The following NDUFS1 variants were observed in gnomAD, a reference collection of about 807,000 sequenced individuals.
NDUFS1 encodes the protein NADH-ubiquinone oxidoreductase 75 kDa subunit, mitochondrial.
A neutral mutation model predicts 84.4 loss-of-function variants in NDUFS1; 61 were observed. The ratio of observed to expected loss-of-function variants is 0.72; its 90% CI spans 0.59 to 0.89. The LOEUF (loss-of-function observed/expected upper bound fraction) is 0.89, where lower values mean the gene tolerates loss of function less well. NDUFS1 is among the 40% of genes least tolerant of loss of function. NDUFS1 has a pLI of 0.00. For synonymous variants in NDUFS1, 275 were observed against 290.0 expected, an observed-to-expected ratio of 0.95 and a Z score of 0.53; for missense variants, 891 against 890.0, an observed-to-expected ratio of 1.00 and a Z score of -0.01.
At chr2:206,129,370 C>T (rs1254269393) in intron 15 of NDUFS1, among the ~76,000 whole-genome samples, 3 of 152,186 alleles carry the variant, frequency 2.0e-5, no homozygotes, top group Non-Finnish European at 2.9e-5. Flanking sequence ...TCAAGTGATC[C>T]TCCCACCTCA....
In NDUFS1 at chr2:206,130,207, T is replaced by C. The variant is rs777280414; in HGVS notation, c.1589A>G (p.Tyr530Cys). The change falls in exon 15 of 19, where the codon TAT (tyrosine) becomes TGT (cysteine). Residue 530 changes from tyrosine (Y) to cysteine (C), a missense_variant. Coordinates refer to ENST00000233190, the MANE Select transcript of NDUFS1 (RefSeq NM_005006.7). Reference sequence around the variant, plus strand: ...CCGAATTGCTTCCACCCCAGGCTTATAGCCAAGGTCCAAAGCAGCTACTTG... The same window carrying C: ...CCGAATTGCTTCCACCCCAGGCTTACAGCCAAGGTCCAAAGCAGCTACTTG... ...ASQVAALDLG[Y>C]KPGVEAIRKN... The C allele has an allele frequency of 5.0e-6, 8 of 1,614,202 alleles. No individual in the cohort carries two copies. The highest frequency in any genetic ancestry group is 2.2e-5 in the East Asian group (1 of 44,880).
In NDUFS1 at chr2:206,119,566, A is replaced by G. The variant is rs1348782905; in HGVS notation, c.*4619T>C. 1 of 152,014 alleles carries G rather than the reference A, an allele frequency of 6.6e-6. No individual in the cohort carries two copies. The highest frequency in any genetic ancestry group is 2.4e-5 in the African/African-American group (1 of 41,374). 9.4% of individuals were successfully genotyped at this position (152,014 alleles called of 1,614,324 possible). On this transcript the variant is annotated 3_prime_UTR_variant, in exon 19 of 19. Transcript: ENST00000233190. ...GTAGCTGGGATTACAGGCATATGCC[A>G]CCATGGCTGGCTAATTTTGTATTTT...
At chr2:206,138,406 G>C in intron 13 of NDUFS1, 79 bp downstream of exon 13, 1 of 1,511,414 alleles carries the variant, frequency 6.6e-7, no homozygotes, top group Non-Finnish European at 9.1e-7. Flanking sequence ...CACTTACATA[G>C]GATTATTACA....
At chr2:206,135,251 C>A (rs1691663555) in intron 13 of NDUFS1, among the ~76,000 whole-genome samples, 1 of 152,104 alleles carries the variant, frequency 6.6e-6, no homozygotes, top group Non-Finnish European at 1.5e-5. Context: ...TGGTCTTGCT[C>A]CTGACCTCAG....
intron 15 of NDUFS1, among the ~76,000 whole-genome samples, chr2:206,128,452 C>G (rs1401142536): frequency 6.6e-6 from 1 of 151,102 alleles, no homozygotes; most frequent in African/African-American, 2.4e-5. Context: ...AGGCATGAGC[C>G]ACCGCGCCCG....
intron 14 of NDUFS1, among the ~76,000 whole-genome samples, chr2:206,132,359 G>A (rs1036165665): frequency 6.6e-6 from 1 of 152,152 alleles, no homozygotes; most frequent in Non-Finnish European, 1.5e-5. Flanking sequence ...TGAGGCAGAA[G>A]TATCGCCTGA....
At position 206,146,931 on chromosome 2, in the gene NDUFS1, C is replaced by A; in HGVS notation, c.709G>T (p.Ala237Ser). 1 of 1,614,104 alleles carries A rather than the reference C, an allele frequency of 6.2e-7. No individual in the cohort carries two copies. Among genetic ancestry groups the A allele is most frequent in the Non-Finnish European group, 8.5e-7 (1 of 1,179,992 alleles). ...PVGALTSKPY[A>S]FTARPWETRK... ...GTTTCCCAAGGCCGGGCAGTAAAGGCATAGGGCTTAGAGGTTAGGGCACCT... is the reference window on the plus strand; with the variant it reads ...GTTTCCCAAGGCCGGGCAGTAAAGGAATAGGGCTTAGAGGTTAGGGCACCT... Residue 237 changes from alanine (A) to serine (S), a missense_variant, in exon 8 of 19, where the codon GCC becomes TCC. By Grantham distance (99) the Ala-to-Ser change is moderately conservative (BLOSUM62 1). Transcript: ENST00000233190.
At chr2:206,146,770 A>C in intron 8 of NDUFS1, 133 bp downstream of exon 8, 1 of 789,002 alleles carries the variant, frequency 1.3e-6, no homozygotes, top group Non-Finnish European at 2.0e-6. Flanking sequence ...CTTCTATTTA[A>C]AGGGTTTTAC....
intron 2 of NDUFS1, among the ~76,000 whole-genome samples, chr2:206,153,020 A>C (rs1000240465): frequency 2.0e-5 from 3 of 151,984 alleles, no homozygotes; most frequent in Non-Finnish European, 4.4e-5. Context: ...TGAAACTCTT[A>C]ATGTCACTGA....
chr2:206,129,184 T>C (rs927394975), intron 15 of NDUFS1, among the ~76,000 whole-genome samples: 8 of 152,228 alleles, frequency 5.3e-5, no homozygotes, highest in African/African-American at 1.9e-4. Flanking sequence ...CGTATGAAGA[T>C]GTTATGAAGT....
Position 206,117,255 on chromosome 2 carries a change from C to T in NDUFS1, c.*6930G>A, listed in dbSNP as rs1008640886. 2.0e-5 allele frequency: 3 copies of T among 152,214 alleles called. No individual in the cohort carries two copies. Among genetic ancestry groups the T allele is most frequent in the Admixed American group, 6.5e-5 (1 of 15,278 alleles). The allele number at this position is 152,214 out of a possible 1,614,324, so 9.4% of individuals were successfully genotyped here. A position where few individuals can be genotyped will look rare whatever the true frequency, so the allele number is the denominator to read the frequency against. ...GTTTTAACAGCAGAAACAAAGACAA[C>T]TAGACATGCCCACTGTGTTATGTAC... On this transcript the variant is annotated 3_prime_UTR_variant, in exon 19 of 19. Transcript: ENST00000233190.
At chr2:206,158,628 A>C (rs995377521) in intron 1 of NDUFS1, among the ~76,000 whole-genome samples, 6 of 152,174 alleles carry the variant, frequency 3.9e-5, no homozygotes, top group Non-Finnish European at 8.8e-5. Context: ...TATTCCGCAA[A>C]ACAAAAATAA....
chr2:206,158,039 C>T (rs561745039), intron 1 of NDUFS1, among the ~76,000 whole-genome samples: 1 of 150,300 alleles, frequency 6.7e-6, no homozygotes, highest in East Asian at 2.0e-4. Flanking sequence ...TCTCGGCTCA[C>T]TGCAAGCCCC....
chr2:206,131,399 G>GA (rs1575954010), intron 14 of NDUFS1, among the ~76,000 whole-genome samples: 2 of 152,146 alleles, frequency 1.3e-5, no homozygotes, highest in South Asian at 2.1e-4. Flanking sequence ...ACAATTTCTA[G>GA]AAAAAAATTT....
At chr2:206,142,955 A>G in intron 10 of NDUFS1, 124 bp from the exon 11 acceptor site, 2 of 1,358,344 alleles carry the variant, frequency 1.5e-6, no homozygotes, top group Admixed American at 2.0e-5. Context: ...CTTCTGATTA[A>G]AAGTTTTACA....
chr2:206,156,570 G>A (rs1687663590), intron 1 of NDUFS1, among the ~76,000 whole-genome samples: 1 of 149,918 alleles, frequency 6.7e-6, no homozygotes, highest in African/African-American at 2.4e-5. Flanking sequence ...ATAAGACCCT[G>A]TCTCAAAAAA....
chr2:206,153,816 T>A, intron 1 of NDUFS1, 134 bp from the exon 2 acceptor site: 1 of 633,874 alleles, frequency 1.6e-6, no homozygotes, highest in Non-Finnish European at 2.8e-6. Flanking sequence ...TATTTTCACT[T>A]AGTCTGTAGA....
In NDUFS1 at chr2:206,122,729, T is replaced by C. The variant is rs1191513705; in HGVS notation, c.*1456A>G. The C allele has an allele frequency of 6.6e-6, 1 of 151,846 alleles. No individual in the cohort carries two copies. The highest frequency in any genetic ancestry group is 1.5e-5 in the Non-Finnish European group (1 of 68,004). 9.4% of individuals were successfully genotyped at this position (151,846 alleles called of 1,614,324 possible). A position where few individuals can be genotyped will look rare whatever the true frequency, so the allele number is the denominator to read the frequency against. On this transcript the variant is annotated 3_prime_UTR_variant, in exon 19 of 19. Transcript: ENST00000233190. ...TAAGGATTACAAAACAAATAAATTGTGAACATAGTTTTGTTTGTTTGTTTG... is the reference window on the plus strand; with the variant it reads ...TAAGGATTACAAAACAAATAAATTGCGAACATAGTTTTGTTTGTTTGTTTG...
chr2:206,123,189 A>G lies in NDUFS1; in HGVS notation c.*996T>C, dbSNP rs575500916. 3 of 152,024 alleles carry G rather than the reference A, an allele frequency of 2.0e-5. No individual in the cohort carries two copies. Among genetic ancestry groups the G allele is most frequent in the African/African-American group, 4.8e-5 (2 of 41,464 alleles). The allele number at this position is 152,024 out of a possible 1,614,324, so 9.4% of individuals were successfully genotyped here. A position where few individuals can be genotyped will look rare whatever the true frequency, so the allele number is the denominator to read the frequency against. On this transcript the variant is annotated 3_prime_UTR_variant, in exon 19 of 19. Transcript: ENST00000233190. ...ATGAAAGCTGGTTGTTTTGTCTCCTATTGCTGAAATAATTTAGTTGATTTA... is the reference window on the plus strand; with the variant it reads ...ATGAAAGCTGGTTGTTTTGTCTCCTGTTGCTGAAATAATTTAGTTGATTTA...
Sources: gnomAD v4.1 joint callset for allele counts (sites outside exome capture counted in the v4.1 genomes callset) on GRCh38, gnomAD v4.1.1 for gene constraint, MANE v1.5 for transcripts, NCBI Gene and HGNC (gene_info 2026-07-23, HGNC 2026-07-21) for gene names.